VOPP1: variants seen among roughly 807,000 people sequenced by gnomAD.
The protein encoded by VOPP1 is WW domain binding protein VOPP1.
Under a neutral mutation model 23.5 loss-of-function variants are expected in VOPP1, and 8 were observed. That is an observed-to-expected ratio of 0.34 (90% CI 0.20 to 0.61). The LOEUF (loss-of-function observed/expected upper bound fraction) is 0.61. VOPP1 is among the 20% of genes least tolerant of loss of function. The pLI, the probability that VOPP1 is intolerant of heterozygous loss-of-function variation, is 0.78. For missense variants in VOPP1, 174 were observed against 238.1 expected, an observed-to-expected ratio of 0.73 and a Z score of 1.77; for synonymous variants, 83 against 97.3, an observed-to-expected ratio of 0.85 and a Z score of 0.86.
chr7:55,512,820 A>G (rs1179247062), intron 2 of VOPP1, among the ~76,000 whole-genome samples: 1 of 152,188 alleles, frequency 6.6e-6, no homozygotes, highest in East Asian at 1.9e-4. Context: ...TCAGGCTCAG[A>G]GTCTGTCCAC....
At chr7:55,525,016 C>T (rs866097035) in intron 1 of VOPP1, among the ~76,000 whole-genome samples, 1 of 152,000 alleles carries the variant, frequency 6.6e-6, no homozygotes, top group African/African-American at 2.4e-5. Flanking sequence ...CACAAGCAAG[C>T]GGGAAGAGGC....
chr7:55,559,600 C>A (rs1797917500), intron 1 of VOPP1, among the ~76,000 whole-genome samples: 1 of 152,242 alleles, frequency 6.6e-6, no homozygotes, highest in Non-Finnish European at 1.5e-5. Flanking sequence ...TTCTCCCTAT[C>A]TGCGATTTAA....
intron 1 of VOPP1, among the ~76,000 whole-genome samples, chr7:55,540,947 T>C (rs1319187239): frequency 3.3e-5 from 5 of 152,074 alleles, no homozygotes; most frequent in Non-Finnish European, 7.4e-5. Context: ...AAAAAATACA[T>C]AAAGTGGACT....
chr7:55,558,802 C>G (rs551756285), intron 1 of VOPP1, among the ~76,000 whole-genome samples: 1 of 152,298 alleles, frequency 6.6e-6, no homozygotes, highest in South Asian at 2.1e-4. Context: ...GAACACCAAA[C>G]CCTGGCATCA....
At chr7:55,564,243 G>GTCTCTGTCTCTGTCTCTGTCTCTC (rs1554302403) in intron 1 of VOPP1, among the ~76,000 whole-genome samples, 1 of 125,896 alleles carries the variant, frequency 7.9e-6, no homozygotes. Flanking sequence ...CTCTGTCTCT[G>GTCTCTGTCTCTGTCTCTGTCTCTC]TCTCTCTCTC....
At chr7:55,556,303 C>T (rs1204080606) in intron 1 of VOPP1, among the ~76,000 whole-genome samples, 4 of 152,218 alleles carry the variant, frequency 2.6e-5, no homozygotes, top group African/African-American at 4.8e-5. Context: ...GGTCTCAAGG[C>T]CACAGTGAGC....
chr7:55,489,076 G>T (rs1793365374), intron 4 of VOPP1, among the ~76,000 whole-genome samples: 1 of 152,188 alleles, frequency 6.6e-6, no homozygotes, highest in East Asian at 1.9e-4. Context: ...CAGACCAACA[G>T]CAGACAGGAC....
chr7:55,442,119 C>A (rs1790979283), intron 4 of VOPP1, among the ~76,000 whole-genome samples: 1 of 152,118 alleles, frequency 6.6e-6, no homozygotes, highest in African/African-American at 2.4e-5. Flanking sequence ...TCCTGTTTGG[C>A]CCTATTATAA....
chr7:55,444,685 G>A (rs1791051510), intron 4 of VOPP1, among the ~76,000 whole-genome samples: 1 of 151,148 alleles, frequency 6.6e-6, no homozygotes, highest in African/African-American at 2.4e-5. Flanking sequence ...CAGTTGCTGG[G>A]GCACAATGCC....
intron 1 of VOPP1, among the ~76,000 whole-genome samples, chr7:55,524,744 G>A (rs1426136577): frequency 6.6e-6 from 1 of 152,152 alleles, no homozygotes; most frequent in East Asian, 1.9e-4. Context: ...ACGCAGCCTC[G>A]TGATGGGAAT....
chr7:55,438,998 A>C (rs1790898427), intron 4 of VOPP1, among the ~76,000 whole-genome samples: 1 of 152,090 alleles, frequency 6.6e-6, no homozygotes, highest in Non-Finnish European at 1.5e-5. Flanking sequence ...TGAGGCATGC[A>C]GGTTGGGCTG....
At chr7:55,558,089 G>A (rs1244597091) in intron 1 of VOPP1, among the ~76,000 whole-genome samples, 3 of 152,156 alleles carry the variant, frequency 2.0e-5, no homozygotes, top group African/African-American at 7.2e-5. Context: ...TTGTCAAAAA[G>A]TACAAAGTTT....
chr7:55,544,158 T>C (rs1021938332), intron 1 of VOPP1, among the ~76,000 whole-genome samples: 25 of 152,222 alleles, frequency 1.6e-4, no homozygotes, highest in African/African-American at 5.5e-4. Context: ...GCACCATTTA[T>C]TGAAGAGACA....
At chr7:55,467,310 G>A (rs554974470), downstream of VOPP1, among the ~76,000 whole-genome samples, 58 of 152,332 alleles carry the variant, frequency 3.8e-4, no homozygotes, top group Non-Finnish European at 6.6e-4. Context: ...GTGCACATGG[G>A]GTGAGGGGCA....
At chr7:55,435,621 A>G (rs1487346245), downstream of VOPP1, among the ~76,000 whole-genome samples, 1 of 152,178 alleles carries the variant, frequency 6.6e-6, no homozygotes, top group African/African-American at 2.4e-5. Context: ...AGGCTATTCC[A>G]TCCATTGTCT....
At chr7:55,483,900 G>A (rs1364727223) in intron 4 of VOPP1, among the ~76,000 whole-genome samples, 1 of 152,172 alleles carries the variant, frequency 6.6e-6, no homozygotes, top group African/African-American at 2.4e-5. Context: ...GGGATTACAG[G>A]CACATGCCAC....
intron 4 of VOPP1, among the ~76,000 whole-genome samples, chr7:55,454,963 G>A (rs1447202126): frequency 6.6e-6 from 1 of 152,168 alleles, no homozygotes; most frequent in Non-Finnish European, 1.5e-5. Context: ...AATCAGGCAA[G>A]AGAAAGAAAT....
At chr7:55,520,329 G>C (rs1795756649) in intron 2 of VOPP1, among the ~76,000 whole-genome samples, 1 of 152,128 alleles carries the variant, frequency 6.6e-6, no homozygotes, top group Non-Finnish European at 1.5e-5. Context: ...AGAGCTTTCG[G>C]GAAAATTTGG....
intron 1 of VOPP1, among the ~76,000 whole-genome samples, chr7:55,558,442 C>T (rs1176005688): frequency 1.3e-5 from 2 of 152,078 alleles, no homozygotes; most frequent in African/African-American, 4.8e-5. Context: ...TTCCATCAGA[C>T]AACTAAATGA....
Sources: gnomAD v4.1 joint callset for allele counts (sites outside exome capture counted in the v4.1 genomes callset) on GRCh38, gnomAD v4.1.1 for gene constraint, MANE v1.5 for transcripts, NCBI Gene and HGNC (gene_info 2026-07-23, HGNC 2026-07-21) for gene names.